The following KAZN variants were observed in gnomAD, a reference collection of about 807,000 sequenced individuals.
The protein encoded by KAZN is kazrin, periplakin interacting protein.
Under a neutral mutation model 87.4 loss-of-function variants are expected in KAZN, and 40 were observed. The ratio of observed to expected loss-of-function variants is 0.46; its 90% CI spans 0.36 to 0.60. The LOEUF is 0.60. Among genes scored for constraint, KAZN ranks in the 20% least tolerant of loss-of-function variants. The pLI is 0.00. For synonymous variants in KAZN, 466 were observed against 458.3 expected (o/e 1.02, Z -0.22); for missense variants, 898 against 1,073.9 (o/e 0.84, Z 2.29).
At chr1:14,997,633 A>G (rs1351332309) in intron 2 of KAZN, among the ~76,000 whole-genome samples, 4 of 152,122 alleles carry the variant, frequency 2.6e-5, no homozygotes, top group African/African-American at 9.7e-5. Context: ...AGCCTCACAC[A>G]CCCAGAACAA....
intron 1 of KAZN, among the ~76,000 whole-genome samples, chr1:13,958,144 T>C (rs910565429): frequency 1.3e-5 from 2 of 152,174 alleles, no homozygotes; most frequent in Non-Finnish European, 2.9e-5. Flanking sequence ...ACCAAAACCA[T>C]GATGTGTGTG....
intron 3 of KAZN, among the ~76,000 whole-genome samples, chr1:15,035,156 C>T (rs1481156665): frequency 2.6e-5 from 4 of 152,124 alleles, no homozygotes; most frequent in African/African-American, 4.8e-5. Context: ...TCGCAGGTCT[C>T]GCTTGACCTC....
At chr1:14,963,829 C>A (rs566178537) in intron 2 of KAZN, among the ~76,000 whole-genome samples, 1 of 152,132 alleles carries the variant, frequency 6.6e-6, no homozygotes, top group South Asian at 2.1e-4. Flanking sequence ...CCCCTCCCTG[C>A]GTCTACATGT....
At chr1:15,084,051 G>A (rs1288330278) in intron 8 of KAZN, among the ~76,000 whole-genome samples, 2 of 152,142 alleles carry the variant, frequency 1.3e-5, no homozygotes, top group Admixed American at 6.5e-5. Flanking sequence ...GAGAAACTGA[G>A]GCTTCCCAAA....
At chr1:15,002,491 A>C (rs1668589468) in intron 2 of KAZN, among the ~76,000 whole-genome samples, 1 of 152,142 alleles carries the variant, frequency 6.6e-6, no homozygotes. Context: ...TTGGAATCAG[A>C]CTGCCCGAGT....
At chr1:15,075,279 AG>A (rs750609515) in intron 8 of KAZN, among the ~76,000 whole-genome samples, 6 of 151,958 alleles carry the variant, frequency 3.9e-5, no homozygotes, top group Non-Finnish European at 5.9e-5. Flanking sequence ...AGACTCAACT[AG>A]GGGGAAAAAA....
intron 2 of KAZN, among the ~76,000 whole-genome samples, chr1:14,559,970 T>G (rs890508289): frequency 2.6e-5 from 4 of 152,166 alleles, no homozygotes; most frequent in African/African-American, 9.7e-5. Flanking sequence ...GAAAAATAAG[T>G]CAATATGGTG....
chr1:14,248,682 A>G (rs1649735721), intron 2 of KAZN, among the ~76,000 whole-genome samples: 1 of 152,224 alleles, frequency 6.6e-6, no homozygotes, highest in African/African-American at 2.4e-5. Flanking sequence ...TACCTGTGTC[A>G]TATCTGAGGT....
intron 2 of KAZN, among the ~76,000 whole-genome samples, chr1:14,355,621 C>T (rs1371774792): frequency 2.6e-5 from 4 of 152,038 alleles, no homozygotes; most frequent in Non-Finnish European, 4.4e-5. Context: ...TGATGTTTCC[C>T]TCCCTGCGTC....
intron 1 of KAZN, among the ~76,000 whole-genome samples, chr1:14,859,076 G>A (rs1268777739): frequency 2.0e-5 from 3 of 152,004 alleles, no homozygotes; most frequent in Admixed American, 6.6e-5. Flanking sequence ...GCGTGGTGGC[G>A]GGCGCCTGTA....
chr1:15,114,489 G>A lies in KAZN; in HGVS notation c.2182G>A (p.Gly728Arg), dbSNP rs1439370684. 2 of 1,611,562 alleles carry A rather than the reference G, an allele frequency of 1.2e-6. No homozygotes were observed. The highest frequency in any genetic ancestry group is 3.3e-5 in the Admixed American group (2 of 59,738). The change falls in exon 15 of 15, where the codon GGA becomes AGA. Residue 728 changes from glycine to arginine, a missense_variant. This residue lies in a region of KAZN where 127 missense variants were observed against 121.5 expected (regional missense o/e 1.04). Coordinates refer to ENST00000376030, the MANE Select transcript of KAZN (RefSeq NM_201628.3). ...KAGRLPLGKIGRGFSSKDPDF... is the reference protein window; with the variant it reads ...KAGRLPLGKIRRGFSSKDPDF... ...TTCTCAGCTGCCCCTGGGGAAGATAGGAAGGGGCTTCAGCAGCAAAGATCC... is the reference window on the plus strand; with the variant it reads ...TTCTCAGCTGCCCCTGGGGAAGATAAGAAGGGGCTTCAGCAGCAAAGATCC...
intron 1 of KAZN, among the ~76,000 whole-genome samples, chr1:14,014,530 T>G (rs1640473459): frequency 6.6e-6 from 1 of 152,086 alleles, no homozygotes; most frequent in South Asian, 2.1e-4. Flanking sequence ...GTCCCTTGGG[T>G]CAAATCCAGC....
intron 2 of KAZN, among the ~76,000 whole-genome samples, chr1:14,280,424 G>A (rs1377660966): frequency 6.8e-6 from 1 of 147,522 alleles, no homozygotes; most frequent in Non-Finnish European, 1.5e-5. Context: ...GAGTCGGTGG[G>A]CCCAATCCGA....
chr1:14,914,617 T>A (rs1050444167), intron 1 of KAZN, among the ~76,000 whole-genome samples: 1 of 152,180 alleles, frequency 6.6e-6, no homozygotes, highest in Non-Finnish European at 1.5e-5. Context: ...TGGAAGCAGT[T>A]CCCTAGCCTG....
Position 15,056,400 on chromosome 1 carries a change from G to C in KAZN, c.916+120G>C. The C allele has an allele frequency of 9.8e-7, 1 of 1,020,500 alleles. No homozygotes were observed. The highest frequency in any genetic ancestry group is 1.4e-6 in the Non-Finnish European group (1 of 717,224). 63.2% of individuals were successfully genotyped at this position (1,020,500 alleles called of 1,614,324 possible). A position where few individuals can be genotyped will look rare whatever the true frequency, so the allele number is the denominator to read the frequency against. ...TACAGCAGCTTGGGGGCGTGGGACAGAGACCTTGGGCTCATGTAACTGAAA... is the reference window on the plus strand; with the variant it reads ...TACAGCAGCTTGGGGGCGTGGGACACAGACCTTGGGCTCATGTAACTGAAA... On this transcript the variant is annotated intron_variant, in intron 5 of 14. Transcript: ENST00000376030. The surrounding 1 kb of genome is among the most constrained non-coding windows in gnomAD (Gnocchi z 5.4).
chr1:14,025,745 T>C (rs1220158296), intron 1 of KAZN, among the ~76,000 whole-genome samples: 2 of 152,302 alleles, frequency 1.3e-5, no homozygotes. Flanking sequence ...TTAATTATAA[T>C]TGTATTAAAT....
intron 2 of KAZN, among the ~76,000 whole-genome samples, chr1:14,186,733 A>G (rs1427335909): frequency 1.3e-5 from 2 of 152,156 alleles, no homozygotes; most frequent in Non-Finnish European, 2.9e-5. Context: ...AGATGCTGGC[A>G]GACACCGCTG....
intron 1 of KAZN, among the ~76,000 whole-genome samples, chr1:13,917,711 C>T (rs754802520): frequency 2.0e-5 from 3 of 147,624 alleles, no homozygotes; most frequent in African/African-American, 5.0e-5. Flanking sequence ...GCAGGAGGAT[C>T]ACTGGGGCCC....
chr1:14,960,825 A>G lies in KAZN; in HGVS notation c.368A>G (p.Gln123Arg). 1 of 1,613,090 alleles carries G rather than the reference A, an allele frequency of 6.2e-7. No individual in the cohort carries two copies. Among genetic ancestry groups the G allele is most frequent in the Non-Finnish European group, 8.5e-7 (1 of 1,179,808 alleles). The change falls in exon 2 of 15, where the codon CAG (glutamine) becomes CGG (arginine). Residue 123 changes from glutamine (Q) to arginine (R), a missense_variant. Physicochemically the swap from Gln to Arg is conservative, Grantham distance 43. This residue lies in a region of KAZN where 250 missense variants were observed against 263.0 expected (regional missense o/e 0.95). Transcript: ENST00000376030. ...EVLSATELRV[Q>R]LAQKEQELAR... ...CTCTCGGCCACCGAGCTCAGGGTCC[A>G]GCTGGCCCAGAAGGAGCAGGAGCTA... is the stretch of plus-strand genomic sequence containing the variant.
Sources: gnomAD v4.1 joint callset for allele counts (sites outside exome capture counted in the v4.1 genomes callset) on GRCh38, gnomAD v4.1.1 for gene constraint, gnomAD v4.1.1 regional missense constraint, Gnocchi (gnomAD v3.1) non-coding constraint, MANE v1.5 for transcripts, NCBI Gene and HGNC (gene_info 2026-07-23, HGNC 2026-07-21) for gene names.